The following DOCK3 variants were observed in gnomAD, a reference collection of about 807,000 sequenced individuals.
DOCK3 encodes dedicator of cytokinesis 3.
DOCK3 carries 60 observed loss-of-function variants against 265.6 expected under a neutral mutation model. The observed-to-expected ratio is 0.23, with a 90% CI of 0.18 to 0.28. The LOEUF is 0.28. Ranked by LOEUF, DOCK3 falls within the 10% of genes least tolerant of loss-of-function variation. DOCK3 has a pLI of 1.00. For synonymous variants in DOCK3, 881 were observed against 938.0 expected (o/e 0.94, Z 1.11); for missense variants, 1,981 against 2,594.3 (o/e 0.76, Z 5.14).
chr3:50,902,955 A>G (rs1045619967), intron 4 of DOCK3, among the ~76,000 whole-genome samples: 3 of 152,186 alleles, frequency 2.0e-5, no homozygotes, highest in South Asian at 4.1e-4. Context: ...GAGTTCATTC[A>G]TGATTTGGCC....
chr3:51,200,800 A>AG (rs1397813298), intron 12 of DOCK3, among the ~76,000 whole-genome samples: 1 of 152,172 alleles, frequency 6.6e-6, no homozygotes, highest in Non-Finnish European at 1.5e-5. Flanking sequence ...CACAAAGGGA[A>AG]GCCCATCAGA....
rs566343350 is a variant in DOCK3, at chr3:51,085,480, C to T, written c.550-3763C>T. Among the ~76,000 whole-genome samples the T allele has an allele frequency of 4.6e-5, 7 of 152,186 alleles. No homozygotes were observed. In the East Asian group the frequency reaches 1.4e-3, roughly 29 times the overall value. On this transcript the variant is annotated intron_variant, in intron 7 of 52. Transcript: ENST00000266037. ...AATCATGTCAAGTATCTTCTCAGAC[C>T]ACAGGGAAATAAAACTAGAAATCAA...
At chr3:51,125,726 T>G (rs1007628352) in intron 9 of DOCK3, among the ~76,000 whole-genome samples, 1 of 152,184 alleles carries the variant, frequency 6.6e-6, no homozygotes, top group Non-Finnish European at 1.5e-5. Context: ...AAAACTTAAA[T>G]ACTCTTATAT....
At chr3:50,751,924 CATT>C (rs751711513) in intron 1 of DOCK3, among the ~76,000 whole-genome samples, 8 of 152,072 alleles carry the variant, frequency 5.3e-5, no homozygotes, top group Non-Finnish European at 7.4e-5. Flanking sequence ...AAAACTCACT[CATT>C]ATCACAAGAC....
intron 1 of DOCK3, among the ~76,000 whole-genome samples, chr3:50,679,104 C>A (rs1401113895): frequency 6.6e-6 from 1 of 152,236 alleles, no homozygotes; most frequent in African/African-American, 2.4e-5. Flanking sequence ...TGAACCACTG[C>A]GCCCAGCCTT....
intron 5 of DOCK3, among the ~76,000 whole-genome samples, chr3:51,025,048 G>A (rs1048871641): frequency 6.6e-6 from 1 of 152,200 alleles, no homozygotes; most frequent in Non-Finnish European, 1.5e-5. Context: ...ACCAGCTGCC[G>A]TAATAACAGT....
At chr3:50,842,638 G>A (rs751063419) in intron 3 of DOCK3, among the ~76,000 whole-genome samples, 5 of 151,950 alleles carry the variant, frequency 3.3e-5, no homozygotes, top group Non-Finnish European at 7.4e-5. Context: ...CTAGATGCCA[G>A]CAACCCTCTG....
intron 1 of DOCK3, among the ~76,000 whole-genome samples, chr3:50,745,696 C>T (rs2039383480): frequency 6.6e-6 from 1 of 152,218 alleles, no homozygotes; most frequent in Non-Finnish European, 1.5e-5. Flanking sequence ...GAGCTACTAT[C>T]CCCGCTGTTG....
chr3:51,063,227 T>A (rs78956888), intron 5 of DOCK3, among the ~76,000 whole-genome samples: 6 of 148,268 alleles, frequency 4.0e-5, no homozygotes, highest in East Asian at 2.0e-4. Flanking sequence ...AAAAAAAAAA[T>A]ATTAGCCAGG....
intron 12 of DOCK3, among the ~76,000 whole-genome samples, chr3:51,186,712 C>T (rs906674126): frequency 5.9e-5 from 9 of 152,206 alleles, no homozygotes; most frequent in African/African-American, 2.2e-4. Context: ...TGCATCTCAG[C>T]TGCTCCAGCT....
At position 51,375,728 on chromosome 3, in the gene DOCK3, T is replaced by C; in HGVS notation, c.5413-20T>C. On this transcript the variant is annotated intron_variant, in intron 50 of 52. Transcript: ENST00000266037. ...AATTGGTTGTTTTCACTCTCTGTAATGTTTATCTCCTTCCTTCAGCCGCCG... is the reference window on the plus strand; with the variant it reads ...AATTGGTTGTTTTCACTCTCTGTAACGTTTATCTCCTTCCTTCAGCCGCCG... 6.2e-7 allele frequency: 1 copy of C among 1,613,920 alleles called. No homozygotes were observed. The highest frequency in any genetic ancestry group is 8.5e-7 in the Non-Finnish European group (1 of 1,179,836).
At chr3:51,298,256 A>G (rs185138122) in intron 27 of DOCK3, among the ~76,000 whole-genome samples, 2 of 152,348 alleles carry the variant, frequency 1.3e-5, no homozygotes, top group African/African-American at 4.8e-5. Context: ...TACTAGAACC[A>G]TGTAATCCTT....
At chr3:51,023,182 C>A (rs2079667376) in intron 5 of DOCK3, among the ~76,000 whole-genome samples, 1 of 152,060 alleles carries the variant, frequency 6.6e-6, no homozygotes, top group Non-Finnish European at 1.5e-5. Flanking sequence ...TCAGGAACAC[C>A]AGTTATTCTT....
chr3:50,735,339 C>T (rs187938552), intron 1 of DOCK3, among the ~76,000 whole-genome samples: 1 of 151,884 alleles, frequency 6.6e-6, no homozygotes, highest in Non-Finnish European at 1.5e-5. Context: ...ATATTTATTT[C>T]TCTGTTTATT....
intron 5 of DOCK3, among the ~76,000 whole-genome samples, chr3:51,056,384 G>A (rs373474137): frequency 7.9e-5 from 12 of 152,310 alleles, no homozygotes; most frequent in Middle Eastern, 3.4e-3. Flanking sequence ...GAGTAACTGG[G>A]ACTACAGGTG....
intron 7 of DOCK3, among the ~76,000 whole-genome samples, chr3:51,082,645 G>A (rs755452434): frequency 5.3e-5 from 8 of 152,148 alleles, no homozygotes; most frequent in African/African-American, 9.7e-5. Flanking sequence ...GCATTGTCCC[G>A]GGACCTGAGG....
chr3:50,713,582 A>G (rs1279467989), intron 1 of DOCK3, among the ~76,000 whole-genome samples: 3 of 152,002 alleles, frequency 2.0e-5, no homozygotes, highest in Admixed American at 2.0e-4. Context: ...AGTAATTTTG[A>G]TATGTCTTAG....
intron 21 of DOCK3, among the ~76,000 whole-genome samples, chr3:51,244,073 C>A (rs969177447): frequency 2.6e-5 from 4 of 152,158 alleles, no homozygotes; most frequent in Non-Finnish European, 4.4e-5. Context: ...ATAAATATGT[C>A]TTTATGCTAA....
At chr3:50,715,016 A>G (rs1413837262) in intron 1 of DOCK3, among the ~76,000 whole-genome samples, 1 of 152,214 alleles carries the variant, frequency 6.6e-6, no homozygotes, top group East Asian at 1.9e-4. Context: ...ATTGCACTCA[A>G]CATATTTTAT....
Sources: gnomAD v4.1 joint callset for allele counts (sites outside exome capture counted in the v4.1 genomes callset) on GRCh38, gnomAD v4.1.1 for gene constraint, MANE v1.5 for transcripts, NCBI Gene and HGNC (gene_info 2026-07-23, HGNC 2026-07-21) for gene names.